The following NBEA variants were observed in gnomAD, a reference collection of about 807,000 sequenced individuals.
The protein encoded by NBEA is neurobeachin.
NBEA carries 44 observed loss-of-function variants against 343.4 expected under a neutral mutation model. That is an observed-to-expected ratio of 0.13 (90% CI 0.10 to 0.16). The LOEUF (loss-of-function observed/expected upper bound fraction) is 0.16, where lower values mean the gene tolerates loss of function less well. Ranked by LOEUF, NBEA falls within the 10% of genes least tolerant of loss-of-function variation. The pLI, the probability that NBEA is intolerant of heterozygous loss-of-function variation, is 1.00. For missense variants in NBEA, 2,555 were observed against 3,631.3 expected, an observed-to-expected ratio of 0.70 and a Z score of 7.62; for synonymous variants, 1,175 against 1,238.7, an observed-to-expected ratio of 0.95 and a Z score of 1.08.
In NBEA at chr13:35,646,323, C is replaced by T. The variant is rs770438689; in HGVS notation, c.7745C>T (p.Pro2582Leu). 14 of 1,613,528 alleles carry T rather than the reference C, an allele frequency of 8.7e-6. No individual in the cohort carries two copies. The highest frequency in any genetic ancestry group is 7.6e-6 in the Non-Finnish European group (9 of 1,179,728). The change falls in exon 51 of 59, where the codon CCG becomes CTG. Residue 2582 changes from proline to leucine, a missense_variant. Coordinates refer to ENST00000379939, the MANE Select transcript of NBEA (RefSeq NM_001385012.1). ...TCTCAGTTGCTTATTGAGCCACATC[C>T]GCCTCGGAGCTCTGCCATGCACCTG... ...TPSQLLIEPHPPRSSAMHLCF... is the reference protein window; with the variant it reads ...TPSQLLIEPHLPRSSAMHLCF...
chr13:35,046,254 G>C (rs2062850846), intron 4 of NBEA, among the ~76,000 whole-genome samples: 1 of 152,106 alleles, frequency 6.6e-6, no homozygotes, highest in Admixed American at 6.6e-5. Context: ...TTTGAGCACA[G>C]GTCTTTCTAT....
At chr13:35,184,429 A>G (rs1593651609) in intron 30 of NBEA, among the ~76,000 whole-genome samples, 1 of 152,100 alleles carries the variant, frequency 6.6e-6, no homozygotes, top group Non-Finnish European at 1.5e-5. Context: ...CCTTGAAAGC[A>G]TCAAACTGAT....
intron 14 of NBEA, among the ~76,000 whole-genome samples, chr13:35,117,696 T>C (rs1333783487): frequency 6.6e-6 from 1 of 152,006 alleles, no homozygotes; most frequent in Non-Finnish European, 1.5e-5. Context: ...TTAAGGGATG[T>C]GACAGAAATG....
At chr13:35,258,160 A>G (rs1593968700) in intron 34 of NBEA, among the ~76,000 whole-genome samples, 1 of 149,204 alleles carries the variant, frequency 6.7e-6, no homozygotes, top group Admixed American at 6.7e-5. Flanking sequence ...TTAGCCACAC[A>G]GTCTTTGTCA....
chr13:35,011,019 A>G (rs2061479980), intron 1 of NBEA, among the ~76,000 whole-genome samples: 1 of 151,712 alleles, frequency 6.6e-6, no homozygotes, highest in African/African-American at 2.4e-5. Flanking sequence ...ATGATCTAGC[A>G]GGTCAAAGGT....
At chr13:35,093,194 A>C (rs562532265) in intron 10 of NBEA, among the ~76,000 whole-genome samples, 2 of 151,998 alleles carry the variant, frequency 1.3e-5, no homozygotes, top group African/African-American at 2.4e-5. Flanking sequence ...AGGTGTGGCT[A>C]TAAAGCTGAA....
intron 17 of NBEA, among the ~76,000 whole-genome samples, chr13:35,125,329 T>A (rs1195302615): frequency 6.6e-6 from 1 of 152,184 alleles, no homozygotes; most frequent in Admixed American, 6.5e-5. Flanking sequence ...AGTTCACTTA[T>A]AGCAAATAGG....
At chr13:34,949,171 G>A (rs1405684389) in intron 1 of NBEA, among the ~76,000 whole-genome samples, 1 of 152,158 alleles carries the variant, frequency 6.6e-6, no homozygotes, top group Non-Finnish European at 1.5e-5. Flanking sequence ...CAGGGAGCAA[G>A]TGATAGAATA....
intron 38 of NBEA, among the ~76,000 whole-genome samples, chr13:35,424,322 C>A (rs1008902628): frequency 3.9e-5 from 6 of 152,094 alleles, no homozygotes; most frequent in Admixed American, 2.0e-4. Context: ...GAGATACGTC[C>A]CATCAATACC....
At chr13:35,637,918 A>T (rs2083769126) in intron 49 of NBEA, among the ~76,000 whole-genome samples, 1 of 152,154 alleles carries the variant, frequency 6.6e-6, no homozygotes, top group South Asian at 2.1e-4. Flanking sequence ...TGTGTAATGC[A>T]TTATTAGTCA....
chr13:35,655,745 C>A lies in NBEA; in HGVS notation c.8358C>A (p.Asn2786Lys), dbSNP rs2153082078. ...ACCATATCATAGGAGACAACCCTAA[C>A]AGCAGTGAGTGTTTGTATCAAATTT... ...GRHHIIGDNP[N>K]SSDYPAPRAV... The change falls in exon 55 of 59, where the codon AAC becomes AAA. Residue 2786 changes from asparagine to lysine, a missense_variant. Physicochemically the swap from Asn to Lys is moderately conservative, Grantham distance 94. Transcript: ENST00000379939. 1 of 1,610,730 alleles carries A rather than the reference C, an allele frequency of 6.2e-7. No individual in the cohort carries two copies. Among genetic ancestry groups the A allele is most frequent in the Non-Finnish European group, 8.5e-7 (1 of 1,178,584 alleles).
chr13:35,609,653 T>G (rs1304690062), intron 48 of NBEA, among the ~76,000 whole-genome samples: 1 of 152,158 alleles, frequency 6.6e-6, no homozygotes, highest in African/African-American at 2.4e-5. Context: ...AAGCAGAGAC[T>G]TTTTTGTATT....
At chr13:35,291,288 A>G (rs1239155656) in intron 35 of NBEA, among the ~76,000 whole-genome samples, 6 of 151,920 alleles carry the variant, frequency 3.9e-5, no homozygotes, top group African/African-American at 1.4e-4. Flanking sequence ...TACTGGCCTG[A>G]GGTTTGCCTA....
chr13:35,514,664 C>T (rs1014017479), intron 41 of NBEA, among the ~76,000 whole-genome samples: 1 of 151,888 alleles, frequency 6.6e-6, no homozygotes, highest in Non-Finnish European at 1.5e-5. Flanking sequence ...TTTTCTGTAC[C>T]ATATCTATGT....
At chr13:35,009,016 T>C (rs981911361) in intron 1 of NBEA, among the ~76,000 whole-genome samples, 1 of 152,222 alleles carries the variant, frequency 6.6e-6, no homozygotes, top group Non-Finnish European at 1.5e-5. Context: ...CTTTCTCTCT[T>C]GATCTGCCTT....
intron 10 of NBEA, among the ~76,000 whole-genome samples, chr13:35,092,621 A>G (rs907849767): frequency 6.6e-6 from 1 of 152,052 alleles, no homozygotes; most frequent in Admixed American, 6.6e-5. Context: ...ACTCAACATT[A>G]TTAACCAACA....
At chr13:35,188,356 A>G (rs1477824671) in intron 30 of NBEA, among the ~76,000 whole-genome samples, 2 of 152,046 alleles carry the variant, frequency 1.3e-5, no homozygotes, top group African/African-American at 2.4e-5. Flanking sequence ...GATCACCAGC[A>G]TTGATTCCGT....
chr13:35,061,963 A>G (rs1034455650), intron 8 of NBEA, among the ~76,000 whole-genome samples: 5 of 151,666 alleles, frequency 3.3e-5, no homozygotes, highest in African/African-American at 1.2e-4. Flanking sequence ...GTTTCTCTAC[A>G]ATATTGTACG....
At chr13:35,197,906 C>A (rs906858957) in intron 31 of NBEA, among the ~76,000 whole-genome samples, 3 of 152,074 alleles carry the variant, frequency 2.0e-5, no homozygotes, top group African/African-American at 7.2e-5. Context: ...TGTTAAGTGG[C>A]ACTGGTTATC....
Sources: gnomAD v4.1 joint callset for allele counts (sites outside exome capture counted in the v4.1 genomes callset) on GRCh38, gnomAD v4.1.1 for gene constraint, MANE v1.5 for transcripts, NCBI Gene and HGNC (gene_info 2026-07-23, HGNC 2026-07-21) for gene names.